GSK3B: variants seen among roughly 807,000 people sequenced by gnomAD.
GSK3B encodes glycogen synthase kinase 3 beta.
Under a neutral mutation model 56.4 loss-of-function variants are expected in GSK3B, and 15 were observed. The observed-to-expected ratio is 0.27, with a 90% CI of 0.18 to 0.41. The LOEUF is 0.41. Ranked by LOEUF, GSK3B falls within the 10% of genes least tolerant of loss-of-function variation. The probability of loss-of-function intolerance (pLI) is 1.00; values close to 1 mark genes in which losing one functional copy is unlikely to be tolerated. For missense variants in GSK3B, 300 were observed against 513.4 expected (o/e 0.58, Z 4.02); for synonymous variants, 181 against 188.9 (o/e 0.96, Z 0.34).
rs572228552 is a variant in GSK3B at position 120,061,324 on chromosome 3, C to T, written c.88+32023G>A. Among the ~76,000 whole-genome samples, 4 of 152,192 alleles carry T rather than the reference C, an allele frequency of 2.6e-5. No homozygotes were observed. In the South Asian group the frequency reaches 6.2e-4, roughly 24 times the overall value. ...AAGATAGCAAAATCTATTTGAATAACGGGATTATAATTTACTAAATATTCT... is the reference window on the plus strand; with the variant it reads ...AAGATAGCAAAATCTATTTGAATAATGGGATTATAATTTACTAAATATTCT... On this transcript the variant is annotated intron_variant, in intron 1 of 10. Coordinates refer to ENST00000264235, the MANE Select transcript of GSK3B (RefSeq NM_001146156.2).
Position 119,824,406 on chromosome 3 carries a change from T to G in GSK3B, c.*2382A>C. The G allele has an allele frequency of 4.6e-6, 1 of 217,672 alleles. No homozygotes were observed. The highest frequency in any genetic ancestry group is 9.2e-6 in the Non-Finnish European group (1 of 108,188). The allele number at this position is 217,672 out of a possible 1,614,324, so 13.5% of individuals were successfully genotyped here. A position where few individuals can be genotyped will look rare whatever the true frequency, so the allele number is the denominator to read the frequency against. On this transcript the variant is annotated 3_prime_UTR_variant, in exon 11 of 11. Transcript: ENST00000264235. ...GAAAAGCGTGACTTTTCTCTCTTCT[T>G]TTACCCCAGTTGTGGGGGGCAACCT...
intron 2 of GSK3B, among the ~76,000 whole-genome samples, chr3:119,976,684 A>G (rs779947620): frequency 3.3e-5 from 5 of 151,888 alleles, no homozygotes; most frequent in Non-Finnish European, 7.4e-5. Flanking sequence ...ATATCCTTTA[A>G]AAGGGTAAAT....
chr3:119,826,554 C>A lies in GSK3B; in HGVS notation c.*234G>T. The A allele has an allele frequency of 1.8e-6, 1 of 541,298 alleles. No homozygotes were observed. The highest frequency in any genetic ancestry group is 3.4e-6 in the Non-Finnish European group (1 of 290,672). 33.5% of individuals were successfully genotyped at this position (541,298 alleles called of 1,614,324 possible). A position where few individuals can be genotyped will look rare whatever the true frequency, so the allele number is the denominator to read the frequency against. On this transcript the variant is annotated 3_prime_UTR_variant, in exon 11 of 11. Transcript: ENST00000264235. ...TAGTGCTCCGCTTTCCCCCTCCCCACAACCCCTCCCACCCCCTGGATCTCC... is the reference window on the plus strand; with the variant it reads ...TAGTGCTCCGCTTTCCCCCTCCCCAAAACCCCTCCCACCCCCTGGATCTCC...
At chr3:119,949,935 A>G (rs1028820853) in intron 2 of GSK3B, among the ~76,000 whole-genome samples, 1 of 152,200 alleles carries the variant, frequency 6.6e-6, no homozygotes, top group African/African-American at 2.4e-5. Flanking sequence ...AAATCCTTAT[A>G]CGACATTCAT....
intron 2 of GSK3B, among the ~76,000 whole-genome samples, chr3:119,986,365 G>A (rs1398224491): frequency 1.3e-5 from 2 of 151,928 alleles, no homozygotes; most frequent in East Asian, 1.9e-4. Context: ...ACTTCTGCAC[G>A]GTGAAAGAAA....
chr3:119,921,885 C>A (rs1194998795), intron 4 of GSK3B, among the ~76,000 whole-genome samples: 1 of 152,136 alleles, frequency 6.6e-6, no homozygotes, highest in Non-Finnish European at 1.5e-5. Context: ...CGCCTGTAAT[C>A]TCAGTACTTG....
chr3:120,060,657 T>C (rs990802901), intron 1 of GSK3B, among the ~76,000 whole-genome samples: 6 of 151,956 alleles, frequency 3.9e-5, no homozygotes, highest in Admixed American at 2.0e-4. Flanking sequence ...GCCTGGGAGA[T>C]AAAGAATGCA....
chr3:119,899,383 T>G (rs921645251), intron 7 of GSK3B, among the ~76,000 whole-genome samples: 2 of 152,202 alleles, frequency 1.3e-5, no homozygotes, highest in Non-Finnish European at 1.5e-5. Context: ...GTAACAGTAA[T>G]AGTAGTAGTA....
rs1052636709 is a variant in GSK3B, at chr3:119,936,332, TAA to T, written c.366+10934_366+10935del. ...ATATATATAAAAATATAAATATATA[TAA>T]AAAATATATATATATATATATTTTT... On this transcript the variant is annotated intron_variant, in intron 3 of 10. Transcript: ENST00000264235. 3.8e-4 allele frequency among the ~76,000 whole-genome samples: 52 copies of T among 138,414 alleles called. 1 individual carries two copies. Among genetic ancestry groups the T allele is most frequent in the African/African-American group, 1.4e-3 (48 of 34,770 alleles). 90.8% of individuals were successfully genotyped at this position (138,414 alleles called of 152,430 possible).
chr3:119,899,270 G>T (rs2056602722), intron 7 of GSK3B, among the ~76,000 whole-genome samples: 1 of 152,104 alleles, frequency 6.6e-6, no homozygotes, highest in Non-Finnish European at 1.5e-5. Context: ...CTCATAAATT[G>T]TTTATTACTA....
chr3:119,862,962 GT>G (rs1256327800), intron 9 of GSK3B, among the ~76,000 whole-genome samples: 1 of 152,020 alleles, frequency 6.6e-6, no homozygotes, highest in Non-Finnish European at 1.5e-5. Flanking sequence ...CTTAGAAAGG[GT>G]TTATAGGGCT....
intron 1 of GSK3B, among the ~76,000 whole-genome samples, chr3:120,048,278 A>G (rs1037364896): frequency 1.3e-5 from 2 of 152,174 alleles, no homozygotes; most frequent in Non-Finnish European, 2.9e-5. Context: ...AAATAAACCT[A>G]CCTTTAACCA....
chr3:119,930,466 A>G (rs2056935111), intron 3 of GSK3B, among the ~76,000 whole-genome samples: 2 of 152,196 alleles, frequency 1.3e-5, no homozygotes, highest in African/African-American at 4.8e-5. Context: ...TTGGCTGTCA[A>G]TTTATAACCT....
At chr3:120,054,366 T>C (rs1299409168) in intron 1 of GSK3B, among the ~76,000 whole-genome samples, 1 of 152,028 alleles carries the variant, frequency 6.6e-6, no homozygotes, top group African/African-American at 2.4e-5. Flanking sequence ...CACCTCTATA[T>C]CCTCCACTTC....
chr3:120,040,960 C>T (rs1177737770), intron 1 of GSK3B, among the ~76,000 whole-genome samples: 1 of 152,018 alleles, frequency 6.6e-6, no homozygotes, highest in Non-Finnish European at 1.5e-5. Context: ...AGTATCCCTC[C>T]TTAAAGGGAC....
intron 7 of GSK3B, among the ~76,000 whole-genome samples, chr3:119,885,381 T>C (rs139226313): frequency 1.3e-5 from 2 of 151,870 alleles, no homozygotes; most frequent in African/African-American, 4.8e-5. Flanking sequence ...ATGACACAAA[T>C]GGAAAAGCAT....
At chr3:119,857,005 ATC>A in intron 9 of GSK3B, among the ~76,000 whole-genome samples, 1 of 152,312 alleles carries the variant, frequency 6.6e-6, no homozygotes, top group Non-Finnish European at 1.5e-5. Flanking sequence ...ACCCTACACT[ATC>A]GTCTATTAAG....
intron 9 of GSK3B, among the ~76,000 whole-genome samples, chr3:119,852,265 T>C (rs558032018): frequency 7.9e-5 from 12 of 152,216 alleles, no homozygotes; most frequent in Non-Finnish European, 1.5e-4. Context: ...TACATTATAG[T>C]ACAGGTGTTT....
At chr3:119,949,915 A>T (rs2057139889) in intron 2 of GSK3B, among the ~76,000 whole-genome samples, 1 of 151,786 alleles carries the variant, frequency 6.6e-6, no homozygotes, top group Non-Finnish European at 1.5e-5. Context: ...GTTTTTATCT[A>T]TTAAGTTTGA....
Sources: allele counts gnomAD v4.1 joint callset (sites outside exome capture counted in the v4.1 genomes callset), GRCh38; gene constraint gnomAD v4.1.1; transcripts MANE v1.5; gene names NCBI Gene and HGNC (gene_info 2026-07-23, HGNC 2026-07-21).